Variants in ETNK1 observed in about 807,000 individuals in gnomAD.
The protein encoded by ETNK1 is ethanolamine kinase 1.
ETNK1 carries 8 observed loss-of-function variants against 45.1 expected under a neutral mutation model. That is an observed-to-expected ratio of 0.18 (90% CI 0.10 to 0.32). The LOEUF is 0.32. Among genes scored for constraint, ETNK1 ranks in the 10% least tolerant of loss-of-function variants. ETNK1 has a pLI of 1.00. For missense variants in ETNK1, 302 were observed against 430.6 expected, an observed-to-expected ratio of 0.70 and a Z score of 2.64; for synonymous variants, 152 against 151.9, an observed-to-expected ratio of 1.00 and a Z score of -0.01.
At chr12:22,678,581 A>G (rs1954183216) in intron 6 of ETNK1, among the ~76,000 whole-genome samples, 1 of 152,264 alleles carries the variant, frequency 6.6e-6, no homozygotes, top group Non-Finnish European at 1.5e-5. Context: ...CAACCTGAAC[A>G]AATCTCACAG....
intron 3 of ETNK1, among the ~76,000 whole-genome samples, chr12:22,660,562 A>G (rs1953989426): frequency 6.6e-6 from 1 of 152,112 alleles, no homozygotes; most frequent in African/African-American, 2.4e-5. Flanking sequence ...TTTATTTTTT[A>G]TCAACTGTAG....
chr12:22,648,263 A>G (rs2137540376), intron 2 of ETNK1, among the ~76,000 whole-genome samples: 1 of 152,000 alleles, frequency 6.6e-6, no homozygotes, highest in Non-Finnish European at 1.5e-5. Context: ...ACTCTTGGTG[A>G]TGTACATTCT....
chr12:22,650,340 G>A (rs973990448), intron 2 of ETNK1, among the ~76,000 whole-genome samples: 43 of 151,102 alleles, frequency 2.8e-4, no homozygotes, highest in African/African-American at 1.0e-3. Context: ...GAAAAGTGAT[G>A]TTCTTTCTTT....
intron 2 of ETNK1, among the ~76,000 whole-genome samples, chr12:22,651,616 C>T (rs1048626636): frequency 6.6e-6 from 1 of 151,352 alleles, no homozygotes; most frequent in African/African-American, 2.4e-5. Context: ...TTATTGCATT[C>T]ACATGGTTGT....
chr12:22,645,724 GTTC>G (rs1251469416), intron 2 of ETNK1, among the ~76,000 whole-genome samples: 1 of 151,538 alleles, frequency 6.6e-6, no homozygotes, highest in Non-Finnish European at 1.5e-5. Context: ...GGACATTACA[GTTC>G]TTCTTTTCTA....
chr12:22,637,912 A>T (rs1225903973), intron 1 of ETNK1, among the ~76,000 whole-genome samples: 1 of 152,308 alleles, frequency 6.6e-6, no homozygotes, highest in South Asian at 2.1e-4. Context: ...GCTCAGTCTT[A>T]TAAGAAGTCT....
rs1954252810 is a variant in ETNK1, at chr12:22,685,465, AT to A, written c.*514del. On this transcript the variant is annotated 3_prime_UTR_variant, in exon 8 of 8. Coordinates refer to ENST00000266517, the MANE Select transcript of ETNK1 (RefSeq NM_018638.5). ...TGCCAGTCATTGACTGATGTAGATA[AT>A]TTAGGATTTTCATATAAAAATAGCT... is the stretch of plus-strand genomic sequence containing the variant. 1 of 152,062 alleles carries A rather than the reference AT, an allele frequency of 6.6e-6. No homozygotes were observed. Among genetic ancestry groups the A allele is most frequent in the Non-Finnish European group, 1.5e-5 (1 of 67,830 alleles). 9.4% of individuals were successfully genotyped at this position (152,062 alleles called of 1,614,324 possible). A position where few individuals can be genotyped will look rare whatever the true frequency, so the allele number is the denominator to read the frequency against.
chr12:22,682,067 G>A (rs1304020371), intron 6 of ETNK1, among the ~76,000 whole-genome samples: 2 of 152,070 alleles, frequency 1.3e-5, no homozygotes, highest in Non-Finnish European at 2.9e-5. Context: ...ACCTGTATGT[G>A]ATTTTGTAAT....
At chr12:22,681,237 T>A (rs560650903) in intron 6 of ETNK1, among the ~76,000 whole-genome samples, 18 of 152,164 alleles carry the variant, frequency 1.2e-4, no homozygotes, top group African/African-American at 4.3e-4. Context: ...TTCAGTGAGG[T>A]TTTATGGATA....
At chr12:22,664,320 A>G (rs1954034350) in intron 4 of ETNK1, among the ~76,000 whole-genome samples, 1 of 152,042 alleles carries the variant, frequency 6.6e-6, no homozygotes, top group Non-Finnish European at 1.5e-5. Flanking sequence ...ACTAGTAGAT[A>G]TAGGACTTAA....
chr12:22,642,056 T>C (rs1268951788), intron 1 of ETNK1, among the ~76,000 whole-genome samples: 1 of 152,178 alleles, frequency 6.6e-6, no homozygotes, highest in East Asian at 1.9e-4. Flanking sequence ...GATGAAGACA[T>C]TAATGTTGGT....
intron 2 of ETNK1, among the ~76,000 whole-genome samples, chr12:22,655,347 T>C (rs1486647821): frequency 1.3e-5 from 2 of 149,474 alleles, no homozygotes; most frequent in African/African-American, 4.9e-5. Context: ...TTTTTTTTTT[T>C]TTTTTCGAGA....
intron 2 of ETNK1, among the ~76,000 whole-genome samples, chr12:22,645,387 A>C (rs1431680162): frequency 2.6e-5 from 4 of 151,800 alleles, no homozygotes; most frequent in Non-Finnish European, 4.4e-5. Context: ...ACAGTAAAAT[A>C]ATTATAGTTT....
At chr12:22,672,620 A>G (rs906995328) in intron 5 of ETNK1, among the ~76,000 whole-genome samples, 1 of 152,212 alleles carries the variant, frequency 6.6e-6, no homozygotes, top group African/African-American at 2.4e-5. Flanking sequence ...GTGATCTTCT[A>G]ATGATTTTGT....
At chr12:22,634,446 G>A (rs1953627053) in intron 1 of ETNK1, among the ~76,000 whole-genome samples, 1 of 152,056 alleles carries the variant, frequency 6.6e-6, no homozygotes. Context: ...GTTCAGAGGT[G>A]TTTCTTCTTT....
chr12:22,646,133 C>G (rs1330327772), intron 2 of ETNK1, among the ~76,000 whole-genome samples: 1 of 151,752 alleles, frequency 6.6e-6, no homozygotes, highest in Non-Finnish European at 1.5e-5. Flanking sequence ...GTAACATTTG[C>G]TATTTAATTT....
chr12:22,636,458 G>C (rs1322167587), intron 1 of ETNK1, among the ~76,000 whole-genome samples: 1 of 152,038 alleles, frequency 6.6e-6, no homozygotes, highest in African/African-American at 2.4e-5. Context: ...TGCACATTTA[G>C]AATTTTTATA....
chr12:22,633,677 A>C (rs975719734), intron 1 of ETNK1, among the ~76,000 whole-genome samples: 7 of 152,178 alleles, frequency 4.6e-5, no homozygotes, highest in African/African-American at 1.4e-4. Context: ...TCTTAAAATA[A>C]ATTTTTAATT....
intron 1 of ETNK1, among the ~76,000 whole-genome samples, chr12:22,630,379 A>G (rs1410057365): frequency 6.6e-6 from 1 of 152,166 alleles, no homozygotes; most frequent in Non-Finnish European, 1.5e-5. Context: ...GTCCTTGTAC[A>G]ACTAACTGTA....
Sources: allele counts gnomAD v4.1 joint callset (sites outside exome capture counted in the v4.1 genomes callset), GRCh38; gene constraint gnomAD v4.1.1; transcripts MANE v1.5; gene names NCBI Gene and HGNC (gene_info 2026-07-23, HGNC 2026-07-21).